Variants in DOCK5 observed in about 807,000 individuals in gnomAD.
The protein encoded by DOCK5 is dedicator of cytokinesis 5.
In DOCK5, 142 loss-of-function variants were observed where a neutral mutation model predicts 251.8. The ratio of observed to expected loss-of-function variants is 0.56; its 90% CI spans 0.49 to 0.65. DOCK5 has a LOEUF of 0.65. DOCK5 is among the 30% of genes least tolerant of loss of function. The pLI is 0.00. For missense variants in DOCK5, 2,111 were observed against 2,312.3 expected (o/e 0.91, Z 1.79); for synonymous variants, 842 against 835.5 (o/e 1.01, Z -0.13).
At chr8:25,405,248 C>G (rs1013987181) in intron 48 of DOCK5, among the ~76,000 whole-genome samples, 4 of 150,398 alleles carry the variant, frequency 2.7e-5, no homozygotes, top group African/African-American at 9.8e-5. Flanking sequence ...CTTTCCCACT[C>G]TAAGATAACA....
chr8:25,391,823 G>A (rs1801264034), intron 42 of DOCK5, 73 bp from the exon 43 acceptor site: 4 of 1,386,586 alleles, frequency 2.9e-6, no homozygotes, highest in Non-Finnish European at 4.0e-6. Context: ...TGTGTTATAG[G>A]TTTTGTTGAA....
intron 2 of DOCK5, among the ~76,000 whole-genome samples, chr8:25,251,646 A>G (rs951796617): frequency 1.8e-4 from 27 of 152,322 alleles, no homozygotes; most frequent in African/African-American, 6.0e-4. Context: ...TTACATGGCA[A>G]TGAATTTTGT....
intron 43 of DOCK5, 97 bp downstream of exon 43, chr8:25,392,077 G>A: frequency 1.7e-6 from 2 of 1,150,000 alleles, no homozygotes; most frequent in Non-Finnish European, 2.5e-6. Flanking sequence ...GCCGATGCGG[G>A]CGGATCACGA....
At position 25,345,401 on chromosome 8, in the gene DOCK5, G is replaced by C. The variant is rs184310442; in HGVS notation, c.2618-74G>C. On this transcript the variant is annotated intron_variant, in intron 25 of 51. Coordinates refer to ENST00000276440, the MANE Select transcript of DOCK5 (RefSeq NM_024940.8). The stretch of plus-strand genomic sequence containing the variant: ...AGAGCTACTGGTACTGGTCGAGGAA[G>C]AGTTGCAGGAAGGAGACAGGCAGTT... 2.0e-4 allele frequency: 323 copies of C among 1,581,412 alleles called. 2 individuals are homozygous for C. The African/African-American group carries it at 3.8e-3, about 19-fold the overall frequency.
At chr8:25,242,978 G>C (rs1802993762) in intron 1 of DOCK5, among the ~76,000 whole-genome samples, 1 of 152,222 alleles carries the variant, frequency 6.6e-6, no homozygotes, top group African/African-American at 2.4e-5. Context: ...GCTGTTGTCT[G>C]ATGAACAAGG....
Position 25,325,528 on chromosome 8 carries a change from C to T in DOCK5, c.1884C>T (p.Ser628=), listed in dbSNP as rs199630057. 25 of 1,613,524 alleles carry T rather than the reference C, an allele frequency of 1.5e-5. No homozygotes were observed. The highest frequency in any genetic ancestry group is 2.0e-5 in the Non-Finnish European group (24 of 1,179,664). The change falls in exon 18 of 52, where the codon TCC becomes TCT. Residue 628 remains serine, a synonymous_variant. Coordinates refer to ENST00000276440, the MANE Select transcript of DOCK5 (RefSeq NM_024940.8). The part of the protein sequence containing the change: ...DSFQIATLIC[S]TKLTQNVDLL... The stretch of plus-strand genomic sequence containing the variant: ...TTCAGATTGCCACCCTCATCTGCTC[C>T]ACAAAGCTCACCCAGAATGGTAGGA...
chr8:25,336,704 A>G (rs1805818504), intron 22 of DOCK5, among the ~76,000 whole-genome samples: 1 of 152,212 alleles, frequency 6.6e-6, no homozygotes. Context: ...TGTCGCTAGC[A>G]GAAGCAGCAG....
At chr8:25,286,452 G>A (rs1804335069) in intron 5 of DOCK5, among the ~76,000 whole-genome samples, 2 of 152,110 alleles carry the variant, frequency 1.3e-5, no homozygotes, top group South Asian at 4.1e-4. Flanking sequence ...GAGGGAATAT[G>A]CCCGAAGCCA....
chr8:25,255,754 G>A (rs1457744119), intron 2 of DOCK5, among the ~76,000 whole-genome samples: 1 of 152,200 alleles, frequency 6.6e-6, no homozygotes, highest in African/African-American at 2.4e-5. Context: ...TTGATAGCAG[G>A]GATGTCTTGT....
intron 4 of DOCK5, among the ~76,000 whole-genome samples, chr8:25,278,216 G>A (rs887833440): frequency 6.6e-6 from 1 of 152,128 alleles, no homozygotes; most frequent in Non-Finnish European, 1.5e-5. Context: ...AAATGAAACA[G>A]CTGCTTGGTG....
intron 45 of DOCK5, among the ~76,000 whole-genome samples, chr8:25,396,147 A>G (rs1801342095): frequency 6.6e-6 from 1 of 152,140 alleles, no homozygotes; most frequent in African/African-American, 2.4e-5. Context: ...AGGGAGGCCA[A>G]GGCAGGTGGA....
intron 22 of DOCK5, among the ~76,000 whole-genome samples, chr8:25,337,575 A>G (rs962269631): frequency 6.6e-6 from 1 of 150,800 alleles, no homozygotes; most frequent in Non-Finnish European, 1.5e-5. Flanking sequence ...AAAGACGACC[A>G]TGATAGATTC....
At chr8:25,196,822 A>G (rs370442439) in intron 1 of DOCK5, among the ~76,000 whole-genome samples, 6 of 152,250 alleles carry the variant, frequency 3.9e-5, no homozygotes, top group African/African-American at 1.4e-4. Flanking sequence ...AATTAAAAAA[A>G]AGGAATCATC....
At chr8:25,406,530 A>G (rs573165489) in intron 48 of DOCK5, among the ~76,000 whole-genome samples, 3 of 152,286 alleles carry the variant, frequency 2.0e-5, no homozygotes, top group South Asian at 2.1e-4. Flanking sequence ...TGATATAGGT[A>G]TATTTACATA....
chr8:25,229,206 G>A (rs1469539665), intron 1 of DOCK5, among the ~76,000 whole-genome samples: 1 of 152,178 alleles, frequency 6.6e-6, no homozygotes, highest in Non-Finnish European at 1.5e-5. Flanking sequence ...TTGGAGCCAG[G>A]TGCAGTGGCT....
At chr8:25,392,963 A>C in intron 44 of DOCK5, 81 bp downstream of exon 44, 1 of 1,244,068 alleles carries the variant, frequency 8.0e-7, no homozygotes, top group East Asian at 2.5e-5. Context: ...TTCCCTCTGC[A>C]GTTCACACCA....
chr8:25,410,416 TGTACCTCGTCCTGG>T, intron 51 of DOCK5, among the ~76,000 whole-genome samples: 1 of 151,938 alleles, frequency 6.6e-6, no homozygotes, highest in Admixed American at 6.6e-5. Context: ...AGGTGTTCTC[TGTACCTCGTCCTGG>T]GTACCTGTGA....
chr8:25,394,433 T>C (rs1257792594), intron 44 of DOCK5, among the ~76,000 whole-genome samples: 2 of 152,178 alleles, frequency 1.3e-5, no homozygotes, highest in African/African-American at 2.4e-5. Context: ...CATTTTCTTT[T>C]CATTCAAAAT....
chr8:25,356,744 CAGAGTGA>C (rs1800579626), intron 27 of DOCK5, among the ~76,000 whole-genome samples: 1 of 136,296 alleles, frequency 7.3e-6, no homozygotes, highest in Non-Finnish European at 1.7e-5. Context: ...AAATAAATGT[CAGAGTGA>C]AGTGTTCAAT....
Sources: gnomAD v4.1 joint callset for allele counts (sites outside exome capture counted in the v4.1 genomes callset) on GRCh38, gnomAD v4.1.1 for gene constraint, MANE v1.5 for transcripts, NCBI Gene and HGNC (gene_info 2026-07-23, HGNC 2026-07-21) for gene names.